Variants in DZIP3 observed in about 807,000 individuals in gnomAD.
DZIP3 encodes E3 ubiquitin-protein ligase DZIP3.
Under a neutral mutation model 162.0 loss-of-function variants are expected in DZIP3, and 118 were observed. The ratio of observed to expected loss-of-function variants is 0.73; its 90% CI spans 0.63 to 0.85. DZIP3 has a LOEUF of 0.85. DZIP3 is among the 40% of genes least tolerant of loss of function. The pLI, the probability that DZIP3 is intolerant of heterozygous loss-of-function variation, is 0.00. For missense variants in DZIP3, 1,331 were observed against 1,407.0 expected (o/e 0.95, Z 0.86); for synonymous variants, 438 against 458.6 (o/e 0.96, Z 0.57).
chr3:108,615,209 T>C (rs952224000), intron 4 of DZIP3, among the ~76,000 whole-genome samples: 5 of 152,248 alleles, frequency 3.3e-5, no homozygotes, highest in Non-Finnish European at 5.9e-5. Context: ...TTTCATTGTG[T>C]TAGTAGTTTT....
intron 19 of DZIP3, among the ~76,000 whole-genome samples, chr3:108,655,576 C>G (rs1408754471): frequency 1.3e-5 from 2 of 152,100 alleles, no homozygotes; most frequent in Non-Finnish European, 2.9e-5. Flanking sequence ...GTGAGCGATG[C>G]AGAAGATGAA....
At chr3:108,613,794 C>T (rs1940852775) in intron 4 of DZIP3, among the ~76,000 whole-genome samples, 1 of 152,108 alleles carries the variant, frequency 6.6e-6, no homozygotes, top group Non-Finnish European at 1.5e-5. Flanking sequence ...AGTATGTTCT[C>T]TAACTACTCT....
intron 12 of DZIP3, among the ~76,000 whole-genome samples, chr3:108,640,959 T>A (rs1033529086): frequency 1.2e-4 from 19 of 152,080 alleles, no homozygotes; most frequent in African/African-American, 4.3e-4. Flanking sequence ...GTTTTTTTTT[T>A]ATTCCATTTG....
At chr3:108,666,058 ATAAT>A (rs747996349) in intron 21 of DZIP3, among the ~76,000 whole-genome samples, 16 of 152,168 alleles carry the variant, frequency 1.1e-4, no homozygotes, top group Admixed American at 7.2e-4. Context: ...AGTAAGATAA[ATAAT>A]AAGAAGTTGT....
intron 22 of DZIP3, among the ~76,000 whole-genome samples, chr3:108,670,721 A>G (rs1028414719): frequency 6.6e-6 from 1 of 151,902 alleles, no homozygotes; most frequent in Non-Finnish European, 1.5e-5. Flanking sequence ...AAGTAGCTGC[A>G]CCATTTTATA....
rs796232998 is a variant in DZIP3, at chr3:108,622,880, C to CTCTCTCTCTCTGTG, written c.376-1563_376-1562insCTCTCTCTCTGTGT. On this transcript the variant is annotated intron_variant, in intron 5 of 32. Transcript: ENST00000361582. ...TCTCTCTCTCTCTCTCTCTCTCTCT[C>CTCTCTCTCTCTGTG]TGTGTGTGTGTGTGTGTATGGAGCT... 5.1e-3 allele frequency among the ~76,000 whole-genome samples: 268 copies of CTCTCTCTCTCTGTG among 53,066 alleles called. 2 individuals are homozygous for CTCTCTCTCTCTGTG. Among genetic ancestry groups the CTCTCTCTCTCTGTG allele is most frequent in the African/African-American group, 5.9e-3 (76 of 12,826 alleles). 34.8% of individuals were successfully genotyped at this position (53,066 alleles called of 152,430 possible).
At chr3:108,622,537 G>T (rs115565671) in intron 5 of DZIP3, among the ~76,000 whole-genome samples, 1 of 152,124 alleles carries the variant, frequency 6.6e-6, no homozygotes, top group Non-Finnish European at 1.5e-5. Context: ...GATGTCCATC[G>T]ATGTCTGGGC....
chr3:108,595,887 A>T (rs1939688045), intron 1 of DZIP3, among the ~76,000 whole-genome samples: 3 of 152,226 alleles, frequency 2.0e-5, no homozygotes, highest in African/African-American at 7.2e-5. Context: ...ATATTTAATG[A>T]ACACTTGATG....
intron 1 of DZIP3, among the ~76,000 whole-genome samples, chr3:108,594,050 C>G (rs1049709302): frequency 1.2e-4 from 18 of 152,018 alleles, no homozygotes; most frequent in Admixed American, 2.6e-4. Context: ...ATAATAATTG[C>G]TTCTCTATAT....
chr3:108,602,607 AG>A (rs1013198372), intron 1 of DZIP3, among the ~76,000 whole-genome samples: 1 of 152,204 alleles, frequency 6.6e-6, no homozygotes, highest in Admixed American at 6.5e-5. Context: ...TGAATACGCT[AG>A]GGGAAACTAG....
chr3:108,631,055 A>ACACACT lies in DZIP3; in HGVS notation c.696+1880_696+1881insACACTC. On this transcript the variant is annotated intron_variant, in intron 8 of 32. Transcript: ENST00000361582. ...CACACACACACACACACACACACAC[A>ACACACT]CTCTCTCTCTCTCTCTCTCTCTCTC... is the stretch of plus-strand genomic sequence containing the variant. Among the ~76,000 whole-genome samples the ACACACT allele has an allele frequency of 6.1e-4, 11 of 18,014 alleles. 1 individual carries two copies. The highest frequency in any genetic ancestry group is 5.1e-3 in the East Asian group (2 of 396). 11.8% of individuals were successfully genotyped at this position (18,014 alleles called of 152,430 possible). A position where few individuals can be genotyped will look rare whatever the true frequency, so the allele number is the denominator to read the frequency against.
At chr3:108,672,402 G>A (rs763566543) in intron 22 of DZIP3, among the ~76,000 whole-genome samples, 158 bp from the exon 23 acceptor site, 1 of 151,872 alleles carries the variant, frequency 6.6e-6, no homozygotes, top group African/African-American at 2.4e-5. Flanking sequence ...TAACAGTAGG[G>A]ATTGAACAAT....
At chr3:108,590,064 T>C (rs557300138) in intron 1 of DZIP3, 2 of 152,340 alleles carry the variant, frequency 1.3e-5, no homozygotes, top group Admixed American at 6.5e-5. Context: ...CAGGTATTGC[T>C]CCGGAGGGTG....
At chr3:108,677,115 A>G (rs894760586) in intron 25 of DZIP3, among the ~76,000 whole-genome samples, 4 of 152,062 alleles carry the variant, frequency 2.6e-5, no homozygotes, top group African/African-American at 9.7e-5. Flanking sequence ...CTTGTTACAA[A>G]TATATTTTTT....
intron 4 of DZIP3, among the ~76,000 whole-genome samples, chr3:108,614,335 G>T (rs1940881468): frequency 6.6e-6 from 1 of 152,128 alleles, no homozygotes; most frequent in African/African-American, 2.4e-5. Flanking sequence ...CTGCTACTTG[G>T]AGTAGCTACC....
chr3:108,653,760 A>C (rs139944705), intron 18 of DZIP3, among the ~76,000 whole-genome samples: 13 of 152,066 alleles, frequency 8.5e-5, no homozygotes, highest in Admixed American at 2.6e-4. Flanking sequence ...TTAAGGGGGA[A>C]CAAAGAATGT....
intron 5 of DZIP3, among the ~76,000 whole-genome samples, chr3:108,618,904 T>C (rs1345937068): frequency 6.6e-6 from 1 of 151,106 alleles, no homozygotes; most frequent in Non-Finnish European, 1.5e-5. Context: ...GTACCAAAAA[T>C]ATAAAAATTA....
At position 108,611,207 on chromosome 3, in the gene DZIP3, G is replaced by A; in HGVS notation, c.136G>A (p.Val46Ile). ...GGAAAATGACATACCTACTGATCTTGTCCCTGTTAACCTACTATTAGAAGT... is the reference window on the plus strand; with the variant it reads ...GGAAAATGACATACCTACTGATCTTATCCCTGTTAACCTACTATTAGAAGT... ...KQENDIPTDL[V>I]PVNLLLEVKK... Residue 46 changes from valine to isoleucine, a missense_variant, in exon 4 of 33, where the codon GTC (valine) becomes ATC (isoleucine). This residue lies in a region of DZIP3 where 1,278 missense variants were observed against 1,317.1 expected (regional missense o/e 0.97). Coordinates refer to ENST00000361582, the MANE Select transcript of DZIP3 (RefSeq NM_014648.4). The A allele has an allele frequency of 6.2e-7, 1 of 1,605,654 alleles. No homozygotes were observed. Among genetic ancestry groups the A allele is most frequent in the East Asian group, 2.2e-5 (1 of 44,676 alleles).
rs1943451403 is a variant in DZIP3 at position 108,661,867 on chromosome 3, T to A, written c.2200-10T>A. 1 of 1,606,126 alleles carries A rather than the reference T, an allele frequency of 6.2e-7. No individual in the cohort carries two copies. The highest frequency in any genetic ancestry group is 1.3e-5 in the African/African-American group (1 of 74,402). On this transcript the variant is annotated splice_polypyrimidine_tract_variant and intron_variant, in intron 19 of 32. Coordinates refer to ENST00000361582, the MANE Select transcript of DZIP3 (RefSeq NM_014648.4). Reference sequence around the variant, plus strand: ...GAAAATAATACATGCATATTTCCTGTGCTCAATAGGGCTCAGCTGGCAAAG... The same window carrying A: ...GAAAATAATACATGCATATTTCCTGAGCTCAATAGGGCTCAGCTGGCAAAG...
Sources: allele counts gnomAD v4.1 joint callset (sites outside exome capture counted in the v4.1 genomes callset), GRCh38; gene constraint gnomAD v4.1.1; regional missense constraint gnomAD v4.1.1; transcripts MANE v1.5; gene names NCBI Gene and HGNC (gene_info 2026-07-23, HGNC 2026-07-21).